FAM53B: variants seen among roughly 807,000 people sequenced by gnomAD.
FAM53B encodes the protein family with sequence similarity 53 member B.
Under a neutral mutation model 32.7 loss-of-function variants are expected in FAM53B, and 12 were observed. That is an observed-to-expected ratio of 0.37 (90% confidence interval 0.24 to 0.59). The LOEUF is 0.59. Among genes scored for constraint, FAM53B ranks in the 20% least tolerant of loss-of-function variants. The pLI, the probability that FAM53B is intolerant of heterozygous loss-of-function variation, is 0.72. For missense variants in FAM53B, 477 were observed against 577.7 expected (o/e 0.83, Z 1.79); for synonymous variants, 234 against 228.7 (o/e 1.02, Z -0.21).
intron 1 of FAM53B, among the ~76,000 whole-genome samples, chr10:124,734,783 G>A (rs1448527704): frequency 6.6e-6 from 1 of 152,186 alleles, no homozygotes; most frequent in Non-Finnish European, 1.5e-5. Flanking sequence ...TGTCCATCCT[G>A]TTCACCCCAC....
At chr10:124,652,670 T>C (rs765742728) in intron 4 of FAM53B, among the ~76,000 whole-genome samples, 93 of 152,152 alleles carry the variant, frequency 6.1e-4, no homozygotes, top group African/African-American at 2.1e-3. Context: ...AAGGACAGTA[T>C]GTATTTTAAT....
chr10:124,637,383 C>T (rs904112416), intron 4 of FAM53B, among the ~76,000 whole-genome samples: 4 of 152,182 alleles, frequency 2.6e-5, no homozygotes, highest in African/African-American at 9.7e-5. Flanking sequence ...GCTCTGGGCC[C>T]ATCTGCACAA....
At chr10:124,706,314 C>G (rs144680324) in intron 2 of FAM53B, among the ~76,000 whole-genome samples, 2 of 152,224 alleles carry the variant, frequency 1.3e-5, no homozygotes, top group South Asian at 2.1e-4. Context: ...AACCACCCCC[C>G]CTTAATGGGT....
chr10:124,692,443 G>A (rs759175002), intron 3 of FAM53B, among the ~76,000 whole-genome samples: 7 of 152,070 alleles, frequency 4.6e-5, no homozygotes, highest in East Asian at 1.9e-4. Flanking sequence ...GGCCAGGCGC[G>A]GTGGCTCATG....
At chr10:124,692,039 T>C (rs1949835933) in intron 3 of FAM53B, among the ~76,000 whole-genome samples, 1 of 152,190 alleles carries the variant, frequency 6.6e-6, no homozygotes. Flanking sequence ...AATGGCTCTT[T>C]CCCAGAGAAG....
chr10:124,690,486 C>G (rs1461781297), intron 3 of FAM53B, among the ~76,000 whole-genome samples: 2 of 152,238 alleles, frequency 1.3e-5, no homozygotes. Flanking sequence ...GACAGGCTGG[C>G]AGTGGCCATT....
chr10:124,685,171 A>G (rs1949794653), intron 3 of FAM53B, among the ~76,000 whole-genome samples: 1 of 152,262 alleles, frequency 6.6e-6, no homozygotes, highest in African/African-American at 2.4e-5. Context: ...TGTCTGTTGT[A>G]TGTAAAGGTA....
intron 4 of FAM53B, among the ~76,000 whole-genome samples, chr10:124,659,366 C>A (rs951524303): frequency 6.6e-6 from 1 of 152,252 alleles, no homozygotes. Context: ...TGCCCCTCAT[C>A]TTTTCATTGT....
In FAM53B at chr10:124,682,436, T is replaced by G. The variant is rs1032721843; in HGVS notation, c.134-57A>C. On this transcript the variant is annotated intron_variant, in intron 3 of 4. Transcript: ENST00000337318. The surrounding 1 kb of genome is among the most constrained non-coding windows in gnomAD (Gnocchi z 5.2). ...TTTGAGAAGACCTTCACTCCAGCCCTTTATTATCTCCACACCAACAGCCCG... is the reference window on the plus strand; with the variant it reads ...TTTGAGAAGACCTTCACTCCAGCCCGTTATTATCTCCACACCAACAGCCCG... The G allele has an allele frequency of 3.4e-6, 5 of 1,455,126 alleles. No homozygotes were observed. The highest frequency in any genetic ancestry group is 3.7e-6 in the Non-Finnish European group (4 of 1,075,472). The allele number at this position is 1,455,126 out of a possible 1,614,324, so 90.1% of individuals were successfully genotyped here.
At chr10:124,710,050 G>A (rs752164230) in intron 1 of FAM53B, among the ~76,000 whole-genome samples, 2 of 152,260 alleles carry the variant, frequency 1.3e-5, no homozygotes, top group African/African-American at 4.8e-5. Context: ...AGGGAAGGGT[G>A]TAAGCAAGGC....
chr10:124,623,196 G>A lies in FAM53B; in HGVS notation c.*46C>T. 2 of 1,526,406 alleles carry A rather than the reference G, an allele frequency of 1.3e-6. No homozygotes were observed. Among genetic ancestry groups the A allele is most frequent in the Non-Finnish European group, 1.8e-6 (2 of 1,136,338 alleles). 94.6% of individuals were successfully genotyped at this position (1,526,406 alleles called of 1,614,324 possible). A position where few individuals can be genotyped will look rare whatever the true frequency, so the allele number is the denominator to read the frequency against. ...GGCCCACCTAGTGCCCAGAGTGGGG[G>A]CTGTCGATGCCAGCACACCCCAGCC... On this transcript the variant is annotated 3_prime_UTR_variant, in exon 5 of 5. Transcript: ENST00000337318.
At chr10:124,731,095 T>TGAC (rs1301574586) in intron 1 of FAM53B, among the ~76,000 whole-genome samples, 1 of 152,230 alleles carries the variant, frequency 6.6e-6, no homozygotes, top group East Asian at 1.9e-4. Context: ...ATGAGCTAAA[T>TGAC]GACCTTGGGC....
At chr10:124,726,605 G>A (rs1950105481) in intron 1 of FAM53B, among the ~76,000 whole-genome samples, 1 of 152,200 alleles carries the variant, frequency 6.6e-6, no homozygotes, top group Non-Finnish European at 1.5e-5. Flanking sequence ...GAATCCCAAA[G>A]GTTGACTATG....
At chr10:124,669,776 C>T (rs1000791664) in intron 4 of FAM53B, among the ~76,000 whole-genome samples, 14 of 152,188 alleles carry the variant, frequency 9.2e-5, no homozygotes, top group Non-Finnish European at 1.8e-4. Flanking sequence ...TCCCACTCAC[C>T]GCTCTGCCAC....
chr10:124,702,088 C>A (rs1043124419), intron 2 of FAM53B, among the ~76,000 whole-genome samples: 4 of 152,136 alleles, frequency 2.6e-5, no homozygotes, highest in African/African-American at 4.8e-5. Context: ...TTGAGACTTT[C>A]CCGCTCTGTG....
chr10:124,684,840 T>C (rs986781879), intron 3 of FAM53B, among the ~76,000 whole-genome samples: 6 of 151,936 alleles, frequency 3.9e-5, no homozygotes, highest in African/African-American at 7.3e-5. Context: ...TTAAAGGAAA[T>C]AGAAACTCTT....
At chr10:124,722,211 T>C (rs960369527) in intron 1 of FAM53B, among the ~76,000 whole-genome samples, 2 of 152,186 alleles carry the variant, frequency 1.3e-5, no homozygotes, top group African/African-American at 4.8e-5. Context: ...AAAGAAATGA[T>C]AAACGTTTGA....
chr10:124,655,052 C>T (rs542795513), intron 4 of FAM53B, among the ~76,000 whole-genome samples: 50 of 152,290 alleles, frequency 3.3e-4, no homozygotes, highest in Admixed American at 3.0e-3. Flanking sequence ...TGGACAATCC[C>T]GTTTTAGATG....
At chr10:124,721,737 C>T (rs1950069822) in intron 1 of FAM53B, among the ~76,000 whole-genome samples, 1 of 152,214 alleles carries the variant, frequency 6.6e-6, no homozygotes, top group Non-Finnish European at 1.5e-5. Flanking sequence ...CCTGTGTCCT[C>T]GTGCGGTTCT....
Sources: gnomAD v4.1 joint callset for allele counts (sites outside exome capture counted in the v4.1 genomes callset) on GRCh38, gnomAD v4.1.1 for gene constraint, Gnocchi (gnomAD v3.1) non-coding constraint, MANE v1.5 for transcripts, NCBI Gene and HGNC (gene_info 2026-07-23, HGNC 2026-07-21) for gene names.